Variants in SLC2A3 observed in about 807,000 individuals in gnomAD.
SLC2A3 encodes the protein solute carrier family 2, facilitated glucose transporter member 3.
A neutral mutation model predicts 46.4 loss-of-function variants in SLC2A3; 21 were observed. The ratio of observed to expected loss-of-function variants is 0.45; its 90% CI spans 0.32 to 0.65. The LOEUF (loss-of-function observed/expected upper bound fraction) is 0.65. Among genes scored for constraint, SLC2A3 ranks in the 30% least tolerant of loss-of-function variants. The pLI, the probability that SLC2A3 is intolerant of heterozygous loss-of-function variation, is 0.04. For missense variants in SLC2A3, 499 were observed against 623.3 expected (o/e 0.80, Z 2.12); for synonymous variants, 213 against 239.4 (o/e 0.89, Z 1.02).
chr12:7,930,359 C>T, intron 5 of SLC2A3, 121 bp downstream of exon 5: 1 of 1,102,032 alleles, frequency 9.1e-7, no homozygotes, highest in South Asian at 1.6e-5. Flanking sequence ...TAATCAGAAC[C>T]CTCCTCACTT....
chr12:7,930,369 T>C, intron 5 of SLC2A3, 111 bp downstream of exon 5: 1 of 1,171,434 alleles, frequency 8.5e-7, no homozygotes, highest in East Asian at 2.4e-5. Flanking sequence ...CCTCCTCACT[T>C]GGATTCTGAG....
At position 7,922,843 on chromosome 12, in the gene SLC2A3, C is replaced by A. The variant is rs1207803145; in HGVS notation, c.1250G>T (p.Gly417Val). Reference sequence around the variant, plus strand: ...TACAGCAGCGGAGGGGAAGAGCAATCCGACTAGGAAGTTGGAGGTCCAGTT... The same window carrying A: ...TACAGCAGCGGAGGGGAAGAGCAATACGACTAGGAAGTTGGAGGTCCAGTT... Reference protein sequence around the residue: ...CSNWTSNFLVGLLFPSAAHYL... With the variant: ...CSNWTSNFLVVLLFPSAAHYL... Residue 417 changes from glycine to valine, a missense_variant, in exon 9 of 10, where the codon GGA becomes GTA. Transcript: ENST00000075120. The A allele has an allele frequency of 6.2e-7, 1 of 1,614,006 alleles. No homozygotes were observed.
chr12:7,919,848 A>C lies in SLC2A3; in HGVS notation c.*1565T>G, dbSNP rs1295996982. 6.6e-6 allele frequency: 1 copy of C among 152,196 alleles called. No individual in the cohort carries two copies. The highest frequency in any genetic ancestry group is 1.9e-4 in the East Asian group (1 of 5,190). The allele number at this position is 152,196 out of a possible 1,614,324, so 9.4% of individuals were successfully genotyped here. On this transcript the variant is annotated 3_prime_UTR_variant, in exon 10 of 10. Transcript: ENST00000075120. ...GCACCAAGAAGGGAAAGGGAGACTG[A>C]GCAACATATGAAAAAGGGGCTGTAG...
intron 3 of SLC2A3, 132 bp from the exon 4 acceptor site, chr12:7,931,617 A>G (rs998997313): frequency 7.4e-7 from 1 of 1,346,704 alleles, no homozygotes; most frequent in African/African-American, 1.5e-5. Context: ...TTTGTTTTTC[A>G]CTTTCTATTA....
chr12:7,923,838 A>ACCG (rs1565602641), intron 8 of SLC2A3, among the ~76,000 whole-genome samples: 3 of 149,922 alleles, frequency 2.0e-5, no homozygotes, highest in Non-Finnish European at 3.0e-5. Context: ...GCACCATCTC[A>ACCG]ACTTACCACA....
rs1178721398 is a variant in SLC2A3 at position 7,920,320 on chromosome 12, A to AT, written c.*1092_*1093insA. 6.6e-6 allele frequency: 1 copy of AT among 152,094 alleles called. No individual in the cohort carries two copies. Among genetic ancestry groups the AT allele is most frequent in the Non-Finnish European group, 1.5e-5 (1 of 68,022 alleles). 9.4% of individuals were successfully genotyped at this position (152,094 alleles called of 1,614,324 possible). A position where few individuals can be genotyped will look rare whatever the true frequency, so the allele number is the denominator to read the frequency against. ...GGTTTCTTATTTGGATGGCTCTCCC[A>AT]CGAGATAGGTGGCGGGATTACTTCA... On this transcript the variant is annotated 3_prime_UTR_variant, in exon 10 of 10. Coordinates refer to ENST00000075120, the MANE Select transcript of SLC2A3 (RefSeq NM_006931.3).
Position 7,922,841 on chromosome 12 carries a change from A to G in SLC2A3, c.1252T>C (p.Leu418=). The part of the protein sequence containing the change: ...SNWTSNFLVG[L]LFPSAAHYLG... ...CTTACAGCAGCGGAGGGGAAGAGCA[A>G]TCCGACTAGGAAGTTGGAGGTCCAG... Residue 418 remains leucine, a synonymous_variant, in exon 9 of 10, where the codon TTG becomes CTG. Transcript: ENST00000075120. 1.2e-6 allele frequency: 2 copies of G among 1,614,002 alleles called. No individual in the cohort carries two copies. Among genetic ancestry groups the G allele is most frequent in the Non-Finnish European group, 1.7e-6 (2 of 1,179,914 alleles).
At position 7,933,817 on chromosome 12, in the gene SLC2A3, G is replaced by A; in HGVS notation, c.101C>T (p.Pro34Leu). 1 of 1,613,430 alleles carries A rather than the reference G, an allele frequency of 6.2e-7. No homozygotes were observed. Among genetic ancestry groups the A allele is most frequent in the Non-Finnish European group, 8.5e-7 (1 of 1,179,530 alleles). Residue 34 changes from proline (P) to leucine (L), a missense_variant, in exon 2 of 10, where the codon CCT becomes CTT. Around this residue, in one of 5 missense-constraint regions of SLC2A3, gnomAD observed 248 missense variants for 284.0 expected, o/e 0.87. Coordinates refer to ENST00000075120, the MANE Select transcript of SLC2A3 (RefSeq NM_006931.3). ...FGYNTGVINA[P>L]EKIIKEFINK... Reference sequence around the variant, plus strand: ...TTGTGGCCTGGCACTCACCTTCTCAGGAGCATTGATGACCCCAGTGTTGTA... The same window carrying A: ...TTGTGGCCTGGCACTCACCTTCTCAAGAGCATTGATGACCCCAGTGTTGTA...
intron 6 of SLC2A3, 70 bp downstream of exon 6, chr12:7,929,614 A>C: frequency 6.4e-7 from 1 of 1,571,166 alleles, no homozygotes. Flanking sequence ...ACAGAGGCAC[A>C]CCGCCACCAT....
rs1363065638 is a variant in SLC2A3 at position 7,930,631 on chromosome 12, C to T, written c.522G>A (p.Leu174=). Residue 174 remains leucine, a synonymous_variant, in exon 5 of 10, where the codon CTG becomes CTA. Coordinates refer to ENST00000075120, the MANE Select transcript of SLC2A3 (RefSeq NM_006931.3). ...VGILVAQIFG[L]EFILGSEELW... Reference sequence around the variant, plus strand: ...GCTCTTCAGACCCAAGGATGAATTCCAGACCAAAGATCTAGAAACCACACA... The same window carrying T: ...GCTCTTCAGACCCAAGGATGAATTCTAGACCAAAGATCTAGAAACCACACA... 3.1e-6 allele frequency: 5 copies of T among 1,613,042 alleles called. No homozygotes were observed. Among genetic ancestry groups the T allele is most frequent in the African/African-American group, 1.3e-5 (1 of 74,946 alleles).
intron 8 of SLC2A3, among the ~76,000 whole-genome samples, chr12:7,923,734 A>G (rs1383615716): frequency 6.6e-6 from 1 of 151,272 alleles, no homozygotes; most frequent in East Asian, 1.9e-4. Flanking sequence ...TGTTGTGATG[A>G]CAGGCATGAA....
Position 7,921,422 on chromosome 12 carries a change from G to A in SLC2A3, c.1482C>T (p.Thr494=), listed in dbSNP as rs1431753295. The stretch of plus-strand genomic sequence containing the variant: ...TGGAAGGAGGCACGACTTAGACATT[G>A]GTGGTGGTCTCCTTAGCAGGCTCGA... ...NSIEPAKETT[T]NV is the part of the protein sequence containing the mutation. Residue 494 remains threonine (T), a synonymous_variant, in exon 10 of 10, where the codon ACC becomes ACT. Transcript: ENST00000075120. 10 of 1,613,940 alleles carry A rather than the reference G, an allele frequency of 6.2e-6. No homozygotes were observed. Among genetic ancestry groups the A allele is most frequent in the African/African-American group, 2.7e-5 (2 of 74,910 alleles).
intron 1 of SLC2A3, among the ~76,000 whole-genome samples, chr12:7,935,808 G>T (rs997851049): frequency 6.6e-6 from 1 of 152,094 alleles, no homozygotes; most frequent in African/African-American, 2.4e-5. Context: ...CAACTTCTCC[G>T]GGTGACTTTC....
intron 6 of SLC2A3, 118 bp from the exon 7 acceptor site, chr12:7,926,066 C>A: frequency 1.3e-6 from 1 of 784,818 alleles, no homozygotes; most frequent in Non-Finnish European, 2.2e-6. Context: ...GGTTTTCGTT[C>A]AATACTAATA....
intron 6 of SLC2A3, among the ~76,000 whole-genome samples, chr12:7,926,512 G>A (rs749171489): frequency 1.3e-5 from 2 of 152,178 alleles, no homozygotes; most frequent in African/African-American, 4.8e-5. Flanking sequence ...CTTACATAAA[G>A]GTGTAATTCC....
chr12:7,922,813 T>G lies in SLC2A3; in HGVS notation c.1272+8A>C, dbSNP rs769311758. ...AGGCTGGTTTTAAGATAAGGTGAGT[T>G]TACTTACAGCAGCGGAGGGGAAGAG... On this transcript the variant is annotated splice_region_variant and intron_variant, in intron 9 of 9. Coordinates refer to ENST00000075120, the MANE Select transcript of SLC2A3 (RefSeq NM_006931.3). 12 of 1,613,974 alleles carry G rather than the reference T, an allele frequency of 7.4e-6. No homozygotes were observed. In the East Asian group the frequency reaches 2.5e-4, roughly 33 times the overall value.
At chr12:7,933,403 G>T in intron 2 of SLC2A3, 1 of 554,762 alleles carries the variant, frequency 1.8e-6, no homozygotes, top group Non-Finnish European at 3.2e-6. Context: ...CAGCTTCTTT[G>T]TAACTAACCC....
In SLC2A3 at chr12:7,920,991, G is replaced by A. The variant is rs1473882707; in HGVS notation, c.*422C>T. ...GTAGAGCTGTATGGAAGTGAGGAAG[G>A]TGCTCTTACATAAACACCCTCCGGC... On this transcript the variant is annotated 3_prime_UTR_variant, in exon 10 of 10. Coordinates refer to ENST00000075120, the MANE Select transcript of SLC2A3 (RefSeq NM_006931.3). The A allele has an allele frequency of 3.8e-6, 1 of 260,282 alleles. No individual in the cohort carries two copies. The highest frequency in any genetic ancestry group is 8.0e-6 in the Non-Finnish European group (1 of 124,810). 16.1% of individuals were successfully genotyped at this position (260,282 alleles called of 1,614,324 possible).
chr12:7,929,793 T>C lies in SLC2A3; in HGVS notation c.752A>G (p.Gln251Arg). 1.9e-6 allele frequency: 3 copies of C among 1,613,790 alleles called. No individual in the cohort carries two copies. The highest frequency in any genetic ancestry group is 2.5e-6 in the Non-Finnish European group (3 of 1,179,760). The change falls in exon 6 of 10, where the codon CAA becomes CGA. Residue 251 changes from glutamine to arginine, a missense_variant. By Grantham distance (43) the Gln-to-Arg change is conservative. Transcript: ENST00000075120. ...EMKDESARMS[Q>R]EKQVTVLELF... is the part of the protein sequence containing the mutation. ...CTCTAGCACGGTGACTTGCTTTTCT[T>C]GTGACATCCTTGCACTCTCATCTTT...
Sources: allele counts gnomAD v4.1 joint callset (sites outside exome capture counted in the v4.1 genomes callset), GRCh38; gene constraint gnomAD v4.1.1; regional missense constraint gnomAD v4.1.1; transcripts MANE v1.5; gene names NCBI Gene and HGNC (gene_info 2026-07-23, HGNC 2026-07-21).